RBFOX1: variants seen among roughly 807,000 people sequenced by gnomAD.
The protein encoded by RBFOX1 is RNA binding protein fox-1 homolog 1.
Under a neutral mutation model 57.7 loss-of-function variants are expected in RBFOX1, and 8 were observed. The observed-to-expected ratio is 0.14, with a 90% CI of 0.08 to 0.25. The LOEUF is 0.25. Among genes scored for constraint, RBFOX1 ranks in the 10% least tolerant of loss-of-function variants. The probability of loss-of-function intolerance (pLI) is 1.00; values close to 1 mark genes in which losing one functional copy is unlikely to be tolerated. For missense variants in RBFOX1, 611 were observed against 548.5 expected (o/e 1.11, Z -1.14); for synonymous variants, 326 against 222.4 (o/e 1.47, Z -4.15).
At position 7,710,962 on chromosome 16, in the gene RBFOX1, G is replaced by C; in HGVS notation, c.*217G>C. 1.8e-6 allele frequency: 1 copy of C among 544,582 alleles called. No individual in the cohort carries two copies. The highest frequency in any genetic ancestry group is 2.8e-6 in the Non-Finnish European group (1 of 356,724). The allele number at this position is 544,582 out of a possible 1,614,324, so 33.7% of individuals were successfully genotyped here. On this transcript the variant is annotated 3_prime_UTR_variant, in exon 16 of 16. Coordinates refer to ENST00000550418, the MANE Select transcript of RBFOX1 (RefSeq NM_018723.4). ...GTCTTTAATTTCTGAAGGTTCCGTA[G>C]TTTGGTTGCTGGCTGTAGGAGTTTT...
At chr16:6,937,258 A>C (rs899282822) in intron 3 of RBFOX1, among the ~76,000 whole-genome samples, 1 of 152,178 alleles carries the variant, frequency 6.6e-6, no homozygotes, top group Non-Finnish European at 1.5e-5. Flanking sequence ...CCCAGATTCA[A>C]CAATTGCCAA....
chr16:5,390,688 AC>A (rs1392157445), intron 1 of RBFOX1, among the ~76,000 whole-genome samples: 1 of 152,082 alleles, frequency 6.6e-6, no homozygotes, highest in Non-Finnish European at 1.5e-5. Context: ...ATGAAGCTCT[AC>A]CCCTCTACCC....
intron 3 of RBFOX1, among the ~76,000 whole-genome samples, chr16:5,855,749 A>G (rs78546624): frequency 0.14 from 21,607 of 151,582 alleles, 1,883 homozygotes; most frequent in Non-Finnish European, 0.19. Flanking sequence ...TGTTTTTTCT[A>G]TTTCTTTGGA....
At chr16:7,048,557 C>A (rs1280084658) in intron 3 of RBFOX1, among the ~76,000 whole-genome samples, 1 of 152,212 alleles carries the variant, frequency 6.6e-6, no homozygotes, top group African/African-American at 2.4e-5. Flanking sequence ...CCGCGCCCAG[C>A]TCCTTTTGGT....
At chr16:6,958,854 G>T (rs1430850243) in intron 3 of RBFOX1, among the ~76,000 whole-genome samples, 2 of 152,186 alleles carry the variant, frequency 1.3e-5, no homozygotes, top group Non-Finnish European at 2.9e-5. Flanking sequence ...TTTCAAGGAG[G>T]TATCTTTTAT....
intron 3 of RBFOX1, among the ~76,000 whole-genome samples, chr16:5,656,119 G>T (rs1272844618): frequency 1.3e-5 from 2 of 152,162 alleles, no homozygotes; most frequent in Admixed American, 6.5e-5. Context: ...TTAGTAACTT[G>T]AATGATTTGG....
chr16:7,608,857 G>C (rs2056867838), intron 10 of RBFOX1, among the ~76,000 whole-genome samples: 1 of 152,196 alleles, frequency 6.6e-6, no homozygotes, highest in African/African-American at 2.4e-5. Context: ...GGCAAAGTTA[G>C]CTGCATATTC....
intron 2 of RBFOX1, among the ~76,000 whole-genome samples, chr16:6,562,103 G>T (rs1031326345): frequency 6.6e-6 from 1 of 152,124 alleles, no homozygotes; most frequent in East Asian, 1.9e-4. Flanking sequence ...TACTGATGTC[G>T]GCTGCATGGG....
At chr16:6,870,096 G>A (rs988964992) in intron 3 of RBFOX1, among the ~76,000 whole-genome samples, 7 of 152,090 alleles carry the variant, frequency 4.6e-5, no homozygotes, top group African/African-American at 1.7e-4. Flanking sequence ...CTTTTTGGAT[G>A]ATGATAATAA....
intron 3 of RBFOX1, among the ~76,000 whole-genome samples, chr16:6,976,602 G>T (rs2086913057): frequency 6.6e-6 from 1 of 151,246 alleles, no homozygotes; most frequent in Admixed American, 6.6e-5. Flanking sequence ...GACAGAGTAG[G>T]GCGTTCCCGA....
chr16:6,283,693 C>T (rs970900178), intron 1 of RBFOX1, among the ~76,000 whole-genome samples: 1 of 152,170 alleles, frequency 6.6e-6, no homozygotes, highest in African/African-American at 2.4e-5. Flanking sequence ...CACGTTGGCA[C>T]CCAGAGATCC....
At chr16:5,617,421 C>T (rs1427667978) in intron 3 of RBFOX1, among the ~76,000 whole-genome samples, 2 of 152,194 alleles carry the variant, frequency 1.3e-5, no homozygotes, top group Non-Finnish European at 2.9e-5. Flanking sequence ...GCCAGCCTTG[C>T]ACTGAGTCAA....
At chr16:5,986,555 C>T (rs2060290303) in intron 4 of RBFOX1, among the ~76,000 whole-genome samples, 1 of 152,208 alleles carries the variant, frequency 6.6e-6, no homozygotes, top group African/African-American at 2.4e-5. Flanking sequence ...CCCCTGCCTC[C>T]TGTCACGTGT....
At chr16:7,551,302 C>A (rs2086432129) in intron 5 of RBFOX1, among the ~76,000 whole-genome samples, 1 of 152,062 alleles carries the variant, frequency 6.6e-6, no homozygotes, top group Non-Finnish European at 1.5e-5. Flanking sequence ...ATACAAGCAA[C>A]AGTGATTTCA....
chr16:5,884,238 C>G (rs2057839006), intron 4 of RBFOX1, among the ~76,000 whole-genome samples: 2 of 152,146 alleles, frequency 1.3e-5, no homozygotes, highest in Non-Finnish European at 2.9e-5. Flanking sequence ...AGAGAACCTT[C>G]CCTTCATGCC....
chr16:7,230,649 G>C (rs1175836984), intron 4 of RBFOX1, among the ~76,000 whole-genome samples: 2 of 152,168 alleles, frequency 1.3e-5, no homozygotes, highest in Non-Finnish European at 2.9e-5. Flanking sequence ...TCTGGAACTT[G>C]TTTGTGAAAA....
chr16:6,287,863 G>A (rs1178501432), intron 1 of RBFOX1, among the ~76,000 whole-genome samples: 1 of 152,084 alleles, frequency 6.6e-6, no homozygotes, highest in African/African-American at 2.4e-5. Context: ...GGAAATACTG[G>A]TAGAACTTCA....
intron 4 of RBFOX1, among the ~76,000 whole-genome samples, chr16:7,239,561 C>T (rs2093950651): frequency 6.6e-6 from 1 of 152,088 alleles, no homozygotes; most frequent in Non-Finnish European, 1.5e-5. Context: ...TGAAATTGTC[C>T]TGTCAAGACC....
intron 4 of RBFOX1, among the ~76,000 whole-genome samples, chr16:7,377,577 T>A (rs1031235200): frequency 1.2e-4 from 19 of 152,230 alleles, no homozygotes; most frequent in African/African-American, 4.3e-4. Flanking sequence ...AAAAAATGTT[T>A]TAGATTTGTC....
Sources: gnomAD v4.1 joint callset for allele counts (sites outside exome capture counted in the v4.1 genomes callset) on GRCh38, gnomAD v4.1.1 for gene constraint, MANE v1.5 for transcripts, NCBI Gene and HGNC (gene_info 2026-07-23, HGNC 2026-07-21) for gene names.